GRID2: variants seen among roughly 807,000 people sequenced by gnomAD.
The protein encoded by GRID2 is glutamate receptor ionotropic, delta-2.
In GRID2, 33 loss-of-function variants were observed where a neutral mutation model predicts 114.8. The ratio of observed to expected loss-of-function variants is 0.29; its 90% CI spans 0.22 to 0.38. The LOEUF (loss-of-function observed/expected upper bound fraction) is 0.38. GRID2 is among the 10% of genes least tolerant of loss of function. GRID2 has a pLI of 1.00. For missense variants in GRID2, 1,184 were observed against 1,257.7 expected (o/e 0.94, Z 0.89); for synonymous variants, 505 against 449.9 (o/e 1.12, Z -1.55).
intron 8 of GRID2, among the ~76,000 whole-genome samples, chr4:93,289,683 T>A (rs992649140): frequency 6.6e-6 from 1 of 152,226 alleles, no homozygotes; most frequent in African/African-American, 2.4e-5. Context: ...AAATTCCTCT[T>A]AGCGACACAG....
At position 93,104,464 on chromosome 4, in the gene GRID2, C is replaced by G. The variant is rs1031337339; in HGVS notation, c.530-6284C>G. 3.9e-5 allele frequency among the ~76,000 whole-genome samples: 6 copies of G among 151,926 alleles called. No individual in the cohort carries two copies. In the South Asian group the frequency reaches 6.2e-4, roughly 16 times the overall value. On this transcript the variant is annotated intron_variant, in intron 3 of 15. Coordinates refer to ENST00000282020, the MANE Select transcript of GRID2 (RefSeq NM_001510.4). ...TAATGCTATCCCTCCCCACTCCCCC[C>G]ACCCCACAACAGTCCCCAGAGTGTG...
At chr4:92,741,882 C>T (rs1487927086) in intron 2 of GRID2, among the ~76,000 whole-genome samples, 3 of 152,154 alleles carry the variant, frequency 2.0e-5, no homozygotes, top group Non-Finnish European at 2.9e-5. Context: ...CCAGCCCTTA[C>T]ACTTTTATAA....
chr4:92,707,217 A>AT (rs1734996424), intron 2 of GRID2, among the ~76,000 whole-genome samples: 1 of 152,156 alleles, frequency 6.6e-6, no homozygotes, highest in Non-Finnish European at 1.5e-5. Context: ...GAAATTATTG[A>AT]TTTACATATA....
intron 12 of GRID2, among the ~76,000 whole-genome samples, chr4:93,511,326 A>G (rs994463109): frequency 3.3e-5 from 5 of 152,170 alleles, no homozygotes; most frequent in Non-Finnish European, 7.4e-5. Context: ...TTAAAAATTT[A>G]TTTTCACAGA....
Position 93,523,938 on chromosome 4 carries a change from C to T in GRID2, c.2193+8527C>T, listed in dbSNP as rs886809528. ...TATACTTCGTCCTGACCTTGCATGT[C>T]GGCCATATCCTCTTTTCTGCTTGTT... is the stretch of plus-strand genomic sequence containing the variant. On this transcript the variant is annotated intron_variant, in intron 13 of 15. Transcript: ENST00000282020. 2.0e-5 allele frequency among the ~76,000 whole-genome samples: 3 copies of T among 152,034 alleles called. 1 individual carries two copies. The highest frequency in any genetic ancestry group is 4.4e-5 in the Non-Finnish European group (3 of 68,016).
At chr4:92,873,962 C>T (rs938258807) in intron 2 of GRID2, among the ~76,000 whole-genome samples, 3 of 152,098 alleles carry the variant, frequency 2.0e-5, no homozygotes, top group Admixed American at 6.6e-5. Flanking sequence ...GATCCACCTG[C>T]CTCGGCCTCC....
At chr4:92,642,885 T>G (rs919585780) in intron 2 of GRID2, among the ~76,000 whole-genome samples, 1 of 151,664 alleles carries the variant, frequency 6.6e-6, no homozygotes, top group African/African-American at 2.4e-5. Flanking sequence ...CTTGTTTATC[T>G]CAGCCTTGTT....
At chr4:92,986,737 C>T (rs916615785) in intron 2 of GRID2, among the ~76,000 whole-genome samples, 1 of 152,094 alleles carries the variant, frequency 6.6e-6, no homozygotes, top group Admixed American at 6.6e-5. Flanking sequence ...AAAGCTGTAA[C>T]AGAACAGGAC....
intron 2 of GRID2, chr4:92,833,733 A>G (rs1742272568): frequency 6.6e-6 from 1 of 152,198 alleles, no homozygotes; most frequent in African/African-American, 2.4e-5. Context: ...AGGATGAACT[A>G]TTTTCAAAAT....
intron 7 of GRID2, among the ~76,000 whole-genome samples, chr4:93,225,842 T>C (rs533560977): frequency 6.6e-6 from 1 of 152,298 alleles, no homozygotes; most frequent in South Asian, 2.1e-4. Flanking sequence ...TTTTGGCTTA[T>C]GATTCTCAAG....
chr4:92,584,805 C>G (rs918925280), intron 1 of GRID2, among the ~76,000 whole-genome samples: 2 of 152,038 alleles, frequency 1.3e-5, no homozygotes, highest in African/African-American at 4.8e-5. Flanking sequence ...AAATGGCAGA[C>G]ATAGCTCCAA....
At chr4:92,379,706 A>G (rs932027614) in intron 1 of GRID2, among the ~76,000 whole-genome samples, 4 of 151,996 alleles carry the variant, frequency 2.6e-5, no homozygotes, top group African/African-American at 4.8e-5. Context: ...TGGAGTTAAC[A>G]AATCTTTATT....
intron 2 of GRID2, among the ~76,000 whole-genome samples, chr4:92,626,463 A>G (rs1286164413): frequency 7.2e-5 from 11 of 152,026 alleles, no homozygotes; most frequent in Non-Finnish European, 2.9e-5. Flanking sequence ...ACACCAAACA[A>G]CATAGCGATT....
intron 1 of GRID2, among the ~76,000 whole-genome samples, chr4:92,440,506 C>T (rs1011160160): frequency 1.3e-5 from 2 of 151,978 alleles, no homozygotes; most frequent in African/African-American, 4.8e-5. Flanking sequence ...TGGGGCAAAT[C>T]CTCGAGCTTG....
At chr4:93,239,078 ATATAAATGATGTTTC>A (rs908685844) in intron 8 of GRID2, among the ~76,000 whole-genome samples, 1 of 149,718 alleles carries the variant, frequency 6.7e-6, no homozygotes, top group African/African-American at 2.4e-5. Context: ...AAACGCCCTT[ATATAAATGATGTTTC>A]TATAATTCGG....
chr4:93,138,556 A>G (rs1214509412), intron 4 of GRID2, among the ~76,000 whole-genome samples: 1 of 152,110 alleles, frequency 6.6e-6, no homozygotes, highest in African/African-American at 2.4e-5. Context: ...GACTCATTGA[A>G]TCTTGTCTTC....
At chr4:92,853,471 A>G (rs1217820140) in intron 2 of GRID2, among the ~76,000 whole-genome samples, 4 of 151,994 alleles carry the variant, frequency 2.6e-5, no homozygotes, top group Non-Finnish European at 5.9e-5. Flanking sequence ...CCATTAAAAT[A>G]GTATTCATAT....
chr4:92,931,819 C>T (rs1166447088), intron 2 of GRID2, among the ~76,000 whole-genome samples: 1 of 151,074 alleles, frequency 6.6e-6, no homozygotes, highest in African/African-American at 2.4e-5. Flanking sequence ...TTTATCCACA[C>T]ACGTGCAGTC....
At chr4:92,654,763 T>G (rs1346260023) in intron 2 of GRID2, among the ~76,000 whole-genome samples, 1 of 152,062 alleles carries the variant, frequency 6.6e-6, no homozygotes, top group African/African-American at 2.4e-5. Flanking sequence ...AAAAAAAAAT[T>G]GTTGAAGTGT....
Sources: allele counts gnomAD v4.1 joint callset (sites outside exome capture counted in the v4.1 genomes callset), GRCh38; gene constraint gnomAD v4.1.1; transcripts MANE v1.5; gene names NCBI Gene and HGNC (gene_info 2026-07-23, HGNC 2026-07-21).